Variants in PDE4A observed in about 807,000 individuals in gnomAD.
PDE4A encodes phosphodiesterase 4A, also known as 3',5'-cyclic-AMP phosphodiesterase 4A.
In PDE4A, 21 loss-of-function variants were observed where a neutral mutation model predicts 73.9. That is an observed-to-expected ratio of 0.28 (90% CI 0.20 to 0.41). PDE4A has a LOEUF of 0.41. Among genes scored for constraint, PDE4A ranks in the 10% least tolerant of loss-of-function variants. PDE4A has a pLI of 1.00. For missense variants in PDE4A, 958 were observed against 1,211.4 expected (o/e 0.79, Z 3.10); for synonymous variants, 463 against 505.4 (o/e 0.92, Z 1.13).
upstream of PDE4A, chr19:10,417,615 C>A: frequency 2.6e-6 from 4 of 1,537,392 alleles, no homozygotes; most frequent in Non-Finnish European, 3.5e-6. Flanking sequence ...GGGCTCAGAG[C>A]TTCCCAGCCA....
At position 10,461,540 on chromosome 19, in the gene PDE4A, CTCA is replaced by C; in HGVS notation, c.1482_1484del (p.Met495del). The C allele has an allele frequency of 1.2e-6, 2 of 1,614,094 alleles. No homozygotes were observed. The highest frequency in any genetic ancestry group is 8.5e-7 in the Non-Finnish European group (1 of 1,180,034). ...CTGGGCTGCAGATTCGGAGCTGGCG[CTCA>C]TGTACAACGATGAGTCGGTGCTCGA... is the stretch of plus-strand genomic sequence containing the variant. On this transcript the variant is annotated inframe_deletion, in exon 12 of 15. Coordinates refer to ENST00000380702, the MANE Select transcript of PDE4A (RefSeq NM_001111307.2).
Position 10,467,626 on chromosome 19 carries a change from C to T in PDE4A, c.*5C>T. ...TCAGGTGGAGACCCTACCTGATCCC[C>T]AGACCTCTGTCCCTGTTCCCCTCCA... On this transcript the variant is annotated 3_prime_UTR_variant, in exon 15 of 15. Transcript: ENST00000380702. 1.3e-6 allele frequency: 2 copies of T among 1,544,802 alleles called. No homozygotes were observed. The highest frequency in any genetic ancestry group is 2.3e-4 in the Middle Eastern group (1 of 4,324).
chr19:10,464,034 C>T (rs765543740), intron 14 of PDE4A, 59 bp downstream of exon 14: 5 of 1,602,912 alleles, frequency 3.1e-6, no homozygotes, highest in Non-Finnish European at 4.3e-6. Context: ...CCCATCTTGG[C>T]CTGAAGTTCT....
At chr19:10,434,937 C>G (rs1006064064) in intron 1 of PDE4A, among the ~76,000 whole-genome samples, 1 of 143,976 alleles carries the variant, frequency 6.9e-6, no homozygotes, top group African/African-American at 2.6e-5. Flanking sequence ...ATCATCCAGG[C>G]TGGGATGCAG....
At position 10,453,359 on chromosome 19, in the gene PDE4A, G is replaced by T; in HGVS notation, c.784-1470G>T. On this transcript the variant is annotated intron_variant, in intron 6 of 14. Coordinates refer to ENST00000380702, the MANE Select transcript of PDE4A (RefSeq NM_001111307.2). This position sits in a 1 kb window ranked among gnomAD's most constrained non-coding sequence, Gnocchi z 4.6. ...GAGAGTGCAGGGTAGGGGGTGGGCG[G>T]GCATCCTGGTGAGCTGGGCCCCCGG... The T allele has an allele frequency of 6.2e-7, 1 of 1,602,486 alleles. No homozygotes were observed. The highest frequency in any genetic ancestry group is 8.5e-7 in the Non-Finnish European group (1 of 1,176,082).
Position 10,454,715 on chromosome 19 carries a change from G to A in PDE4A, c.784-114G>A, listed in dbSNP as rs1010784545. On this transcript the variant is annotated intron_variant, in intron 6 of 14. Transcript: ENST00000380702. ...GTCTTATAGGGGCTCTGTTGGCTGA[G>A]CAGAAAAATAGGAGGGACTCATGGG... 3 of 1,559,324 alleles carry A rather than the reference G, an allele frequency of 1.9e-6. No individual in the cohort carries two copies. In the African/African-American group the frequency reaches 4.1e-5, roughly 21 times the overall value.
upstream of PDE4A, chr19:10,417,401 T>A: frequency 1.0e-6 from 1 of 985,112 alleles, no homozygotes; most frequent in South Asian, 4.7e-5. Flanking sequence ...TGAGACAGAA[T>A]GTCTAGATGT....
chr19:10,456,180 C>T (rs1281265718), intron 7 of PDE4A, among the ~76,000 whole-genome samples: 3 of 152,052 alleles, frequency 2.0e-5, no homozygotes, highest in African/African-American at 7.2e-5. Context: ...CGCTTGAGCC[C>T]AGGAGTTCAA....
At chr19:10,431,217 A>C in intron 1 of PDE4A, 1 of 625,786 alleles carries the variant, frequency 1.6e-6, no homozygotes, top group Non-Finnish European at 2.5e-6. Context: ...GATCAAAATC[A>C]TCCCTGACCG....
intron 6 of PDE4A, among the ~76,000 whole-genome samples, chr19:10,451,371 G>A (rs1217643254): frequency 6.6e-6 from 1 of 152,054 alleles, no homozygotes; most frequent in Non-Finnish European, 1.5e-5. Context: ...TGTCTGTCTG[G>A]TTGTACATGT....
upstream of PDE4A, chr19:10,419,080 T>TTC: frequency 1.0e-6 from 1 of 963,512 alleles, no homozygotes; most frequent in Non-Finnish European, 1.2e-6. Flanking sequence ...TTTTTTTTTT[T>TTC]CAAATAAGGA....
intron 4 of PDE4A, 79 bp from the exon 5 acceptor site, chr19:10,450,524 C>A: frequency 6.6e-7 from 1 of 1,506,374 alleles, no homozygotes; most frequent in Admixed American, 2.4e-5. Context: ...AAAATTGGCA[C>A]TGTTCATGAA....
Position 10,464,205 on chromosome 19 carries a change from C to G in PDE4A, c.1926+230C>G, listed in dbSNP as rs957731415. 2.6e-5 allele frequency among the ~76,000 whole-genome samples: 4 copies of G among 152,188 alleles called. No homozygotes were observed. In the East Asian group the frequency reaches 7.7e-4, roughly 29 times the overall value. The stretch of plus-strand genomic sequence containing the variant: ...CTCCGCCTCCCAGGTTCAAGTGATT[C>G]TCCTGCCTCAGCCTCCCAAGTATCT... On this transcript the variant is annotated intron_variant, in intron 14 of 14. Transcript: ENST00000380702.
At chr19:10,418,456 G>T (rs1202565289), upstream of PDE4A, among the ~76,000 whole-genome samples, 2 of 151,616 alleles carry the variant, frequency 1.3e-5, no homozygotes, top group South Asian at 4.2e-4. Context: ...GCCGGCCCCT[G>T]CCCCCATGCC....
At chr19:10,417,346 G>A (rs1599390073), upstream of PDE4A, 1 of 985,152 alleles carries the variant, frequency 1.0e-6, no homozygotes, top group African/African-American at 1.7e-5. Flanking sequence ...CGTGGAGGTT[G>A]GGAAGAGACC....
At chr19:10,449,178 G>A in intron 4 of PDE4A, 28 bp downstream of exon 4, 2 of 1,609,132 alleles carry the variant, frequency 1.2e-6, no homozygotes, top group Non-Finnish European at 8.5e-7. Context: ...TGCAACAGCT[G>A]TGATCATAAG....
At chr19:10,457,440 G>T (rs944271322) in intron 7 of PDE4A, among the ~76,000 whole-genome samples, 32 of 135,438 alleles carry the variant, frequency 2.4e-4, no homozygotes, top group African/African-American at 7.2e-4. Context: ...GCGGGGGGGG[G>T]GGGGGGCAGG....
rs554377484 is a variant in PDE4A, at chr19:10,448,104, CT to C, written c.513-799del. ...GACTTCATCTCTTTTTTATCTCTCT[CT>C]TTTTTTTTTTTTTGAGATGGAATCT... On this transcript the variant is annotated intron_variant, in intron 2 of 14. Coordinates refer to ENST00000380702, the MANE Select transcript of PDE4A (RefSeq NM_001111307.2). Among the ~76,000 whole-genome samples, 287 of 142,504 alleles carry C rather than the reference CT, an allele frequency of 2.0e-3. 1 individual carries two copies. The highest frequency in any genetic ancestry group is 0.011 in the Middle Eastern group (3 of 266). The allele number at this position is 142,504 out of a possible 152,430, so 93.5% of individuals were successfully genotyped here.
intron 2 of PDE4A, 128 bp downstream of exon 2, chr19:10,446,537 T>G (rs2043007521): frequency 9.0e-7 from 1 of 1,116,406 alleles, no homozygotes; most frequent in African/African-American, 1.6e-5. Context: ...TCCTCCCCAG[T>G]GAAGGGTAAG....
Sources: gnomAD v4.1 joint callset for allele counts (sites outside exome capture counted in the v4.1 genomes callset) on GRCh38, gnomAD v4.1.1 for gene constraint, Gnocchi (gnomAD v3.1) non-coding constraint, MANE v1.5 for transcripts, NCBI Gene and HGNC (gene_info 2026-07-23, HGNC 2026-07-21) for gene names.